The following PAMR1 variants were observed in gnomAD, a reference collection of about 807,000 sequenced individuals.
The protein encoded by PAMR1 is inactive serine protease PAMR1.
PAMR1 carries 88 observed loss-of-function variants against 81.8 expected under a neutral mutation model. That is an observed-to-expected ratio of 1.08 (90% CI 0.91 to 1.28). The LOEUF is 1.28. PAMR1 is among the 50% of genes most tolerant of loss of function. The pLI is 0.00. For missense variants in PAMR1, 935 were observed against 919.7 expected, an observed-to-expected ratio of 1.02 and a Z score of -0.21; for synonymous variants, 336 against 345.3, an observed-to-expected ratio of 0.97 and a Z score of 0.30.
At chr11:35,489,167 A>G (rs561246235) in intron 3 of PAMR1, among the ~76,000 whole-genome samples, 1 of 152,146 alleles carries the variant, frequency 6.6e-6, no homozygotes, top group Non-Finnish European at 1.5e-5. Context: ...AGTCTCCAAA[A>G]TTCTCTTGAG....
At position 35,439,690 on chromosome 11, in the gene PAMR1, C is replaced by A. The variant is rs1473804044; in HGVS notation, c.1037G>T (p.Cys346Phe). Reference sequence around the variant, plus strand: ...CAGGTCTGAAATCTTTGGTTCTCGGCAGGCTAGAAATAAAAAAGACAATGC... The same window carrying A: ...CAGGTCTGAAATCTTTGGTTCTCGGAAGGCTAGAAATAAAAAAGACAATGC... Reference protein sequence around the residue: ...SGKQPICIKACREPKISDLVR... With the variant: ...SGKQPICIKAFREPKISDLVR... Residue 346 changes from cysteine (C) to phenylalanine (F), a missense_variant, in exon 8 of 11, where the codon TGC becomes TTC. By Grantham distance (205) the Cys-to-Phe change is radical. Transcript: ENST00000619888. 6.2e-7 allele frequency: 1 copy of A among 1,613,196 alleles called. No homozygotes were observed.
At chr11:35,508,739 C>A (rs566273680) in intron 1 of PAMR1, among the ~76,000 whole-genome samples, 1 of 97,876 alleles carries the variant, frequency 1.0e-5, no homozygotes, top group African/African-American at 3.5e-5. Flanking sequence ...TTGTGGAACA[C>A]GTGGATACAA....
chr11:35,464,150 A>G (rs777899314), intron 6 of PAMR1, among the ~76,000 whole-genome samples: 3 of 152,254 alleles, frequency 2.0e-5, no homozygotes, highest in Non-Finnish European at 4.4e-5. Flanking sequence ...CTATGTATGA[A>G]CAAAGAAATA....
intron 4 of PAMR1, among the ~76,000 whole-genome samples, chr11:35,471,174 T>C (rs1850170141): frequency 6.6e-6 from 1 of 151,968 alleles, no homozygotes; most frequent in South Asian, 2.1e-4. Flanking sequence ...TATTCTCTCC[T>C]CAAAGAGGCT....
chr11:35,525,767 A>G, upstream of PAMR1: 1 of 614,214 alleles, frequency 1.6e-6, no homozygotes, highest in South Asian at 1.9e-5. Flanking sequence ...GAGCGACGTC[A>G]GCCCAAACCT....
At chr11:35,439,780 T>C in intron 7 of PAMR1, 87 bp from the exon 8 acceptor site, 1 of 1,118,504 alleles carries the variant, frequency 8.9e-7, no homozygotes, top group Non-Finnish European at 1.4e-6. Flanking sequence ...TGACCCCCAC[T>C]TCTGGACACC....
intron 5 of PAMR1, among the ~76,000 whole-genome samples, chr11:35,470,239 G>A (rs1221350477): frequency 6.6e-6 from 1 of 152,182 alleles, no homozygotes; most frequent in African/African-American, 2.4e-5. Context: ...TGATCTGTCA[G>A]GGATTTAAAG....
chr11:35,502,916 C>T (rs1850879143), intron 1 of PAMR1, among the ~76,000 whole-genome samples: 1 of 152,070 alleles, frequency 6.6e-6, no homozygotes, highest in Admixed American at 6.6e-5. Flanking sequence ...AAATCTTTGC[C>T]CAGATCAATG....
chr11:35,436,296 T>C, intron 8 of PAMR1, 161 bp from the exon 9 acceptor site: 2 of 600,520 alleles, frequency 3.3e-6, no homozygotes, highest in Non-Finnish European at 6.0e-6. Flanking sequence ...TGTCTGCCTT[T>C]TGAGGCAGGG....
intron 4 of PAMR1, among the ~76,000 whole-genome samples, chr11:35,471,374 G>A (rs925980840): frequency 3.8e-4 from 58 of 152,150 alleles, no homozygotes; most frequent in African/African-American, 4.3e-4. Context: ...AGTGTCCAGC[G>A]CAGTGCCTGG....
In PAMR1 at chr11:35,432,605, G is replaced by A. The variant is rs567309396; in HGVS notation, c.1914C>T (p.Gly638=). Residue 638 remains glycine, a synonymous_variant, in exon 11 of 11, where the codon GGC becomes GGT. Coordinates refer to ENST00000619888, the MANE Select transcript of PAMR1 (RefSeq NM_001001991.3). ...LLCEEQHEDH[G]IPVSVTDNMF... ...TGTTATCAGTGACACTCACTGGGAT[G>A]CCATGGTCCTCATGCTGCTCCTCAC... 1.2e-6 allele frequency: 2 copies of A among 1,614,132 alleles called. No homozygotes were observed. The highest frequency in any genetic ancestry group is 2.2e-5 in the South Asian group (2 of 91,044).
At chr11:35,509,760 C>T (rs1039110893) in intron 1 of PAMR1, among the ~76,000 whole-genome samples, 7 of 151,804 alleles carry the variant, frequency 4.6e-5, no homozygotes, top group Non-Finnish European at 2.9e-5. Context: ...GAGGGGTTCA[C>T]AGAATTCCAG....
intron 6 of PAMR1, among the ~76,000 whole-genome samples, chr11:35,460,040 C>T (rs7943168): frequency 0.1 from 15,984 of 152,256 alleles, 976 homozygotes; most frequent in Non-Finnish European, 0.15. Context: ...ATGACTATTG[C>T]TTTAGTACAT....
chr11:35,504,545 C>T (rs577394949), intron 1 of PAMR1, among the ~76,000 whole-genome samples: 56 of 152,134 alleles, frequency 3.7e-4, no homozygotes, highest in Non-Finnish European at 6.9e-4. Flanking sequence ...TTTATTACAG[C>T]TTCAACCTTG....
intron 5 of PAMR1, among the ~76,000 whole-genome samples, chr11:35,468,463 G>A (rs1396777444): frequency 6.6e-6 from 1 of 152,160 alleles, no homozygotes; most frequent in East Asian, 1.9e-4. Context: ...TTGGGTAGCT[G>A]AAGACCATCT....
At chr11:35,474,809 T>A (rs1284762590) in intron 3 of PAMR1, 65 bp from the exon 4 acceptor site, 9 of 1,069,062 alleles carry the variant, frequency 8.4e-6, no homozygotes, top group Non-Finnish European at 1.3e-5. Context: ...CTAGAGAAGG[T>A]CTCAACGAGA....
intron 6 of PAMR1, among the ~76,000 whole-genome samples, chr11:35,467,675 T>C (rs1370178275): frequency 6.6e-6 from 1 of 152,228 alleles, no homozygotes; most frequent in African/African-American, 2.4e-5. Context: ...TGGACAGGGA[T>C]ACAGACTGAG....
intron 3 of PAMR1, among the ~76,000 whole-genome samples, chr11:35,488,359 C>T (rs1850551009): frequency 6.6e-6 from 1 of 151,954 alleles, no homozygotes; most frequent in Non-Finnish European, 1.5e-5. Flanking sequence ...GCCAGAACTA[C>T]AGGCATGCAC....
At chr11:35,462,121 G>A (rs1856668844) in intron 6 of PAMR1, among the ~76,000 whole-genome samples, 1 of 152,014 alleles carries the variant, frequency 6.6e-6, no homozygotes, top group African/African-American at 2.4e-5. Context: ...TGACCAGCAG[G>A]GGACTGACAC....
Sources: allele counts gnomAD v4.1 joint callset (sites outside exome capture counted in the v4.1 genomes callset), GRCh38; gene constraint gnomAD v4.1.1; transcripts MANE v1.5; gene names NCBI Gene and HGNC (gene_info 2026-07-23, HGNC 2026-07-21).